The following ROCK2 variants were observed in gnomAD, a reference collection of about 807,000 sequenced individuals.
ROCK2 encodes Rho associated coiled-coil containing protein kinase 2, also known as rho-associated protein kinase 2.
ROCK2 carries 61 observed loss-of-function variants against 195.1 expected under a neutral mutation model. That is an observed-to-expected ratio of 0.31 (90% CI 0.25 to 0.39). The LOEUF is 0.39. Ranked by LOEUF, ROCK2 falls within the 10% of genes least tolerant of loss-of-function variation. The pLI is 1.00. For missense variants in ROCK2, 1,109 were observed against 1,637.4 expected (o/e 0.68, Z 5.57); for synonymous variants, 504 against 545.5 (o/e 0.92, Z 1.06).
chr2:11,328,877 T>G (rs1572414449), intron 1 of ROCK2, among the ~76,000 whole-genome samples: 1 of 129,594 alleles, frequency 7.7e-6, no homozygotes, highest in Admixed American at 8.6e-5. Context: ...TGAGAACACA[T>G]GGACACAGGA....
intron 1 of ROCK2, among the ~76,000 whole-genome samples, chr2:11,297,323 T>G (rs1667566875): frequency 1.3e-5 from 2 of 152,130 alleles, no homozygotes; most frequent in Non-Finnish European, 2.9e-5. Context: ...ATCATTTTAT[T>G]CTTTTCCTAA....
intron 4 of ROCK2, among the ~76,000 whole-genome samples, chr2:11,245,977 A>C: frequency 6.6e-6 from 1 of 152,324 alleles, no homozygotes; most frequent in Non-Finnish European, 1.5e-5. Context: ...CTTAACAAGT[A>C]AACAGAGAAA....
chr2:11,226,912 GAAAAAA>G (rs36080073), intron 6 of ROCK2, among the ~76,000 whole-genome samples: 2 of 100,804 alleles, frequency 2.0e-5, no homozygotes, highest in Non-Finnish European at 1.9e-5. Context: ...CCCTGCCTCA[GAAAAAA>G]AAAAAAAAAA....
chr2:11,291,321 G>A (rs1257341361), intron 1 of ROCK2, among the ~76,000 whole-genome samples: 1 of 152,130 alleles, frequency 6.6e-6, no homozygotes, highest in African/African-American at 2.4e-5. Flanking sequence ...AGGCCGAGGC[G>A]GGCGCATCGC....
At chr2:11,311,771 A>G in intron 1 of ROCK2, among the ~76,000 whole-genome samples, 1 of 150,054 alleles carries the variant, frequency 6.7e-6, no homozygotes, top group African/African-American at 2.5e-5. Flanking sequence ...GCGCGTGCAC[A>G]CACACACACA....
At position 11,192,627 on chromosome 2, in the gene ROCK2, T is replaced by A. The variant is rs1209477310; in HGVS notation, c.3773A>T (p.His1258Leu). The change falls in exon 31 of 33, where the codon CAC becomes CTC. Residue 1258 changes from histidine to leucine, a missense_variant. Around this residue, in one of 6 missense-constraint regions of ROCK2, gnomAD observed 221 missense variants for 355.1 expected, o/e 0.62. Transcript: ENST00000315872. This position sits in a 1 kb window ranked among gnomAD's most constrained non-coding sequence, Gnocchi z 5.0. ...PVGEKSNYICHKGHEFIPTLY... is the reference protein window; with the variant it reads ...PVGEKSNYICLKGHEFIPTLY... ...AGTAGGAATAAACTCATGTCCCTTG[T>A]GGCAAATATAATTAGATTTTTCTCC... 2 of 1,613,914 alleles carry A rather than the reference T, an allele frequency of 1.2e-6. No individual in the cohort carries two copies. Among genetic ancestry groups the A allele is most frequent in the African/African-American group, 2.7e-5 (2 of 74,944 alleles).
intron 3 of ROCK2, among the ~76,000 whole-genome samples, chr2:11,267,776 G>A (rs973351133): frequency 2.1e-5 from 3 of 145,900 alleles, no homozygotes; most frequent in African/African-American, 7.7e-5. Flanking sequence ...ATCTCGGCTC[G>A]CTGGGACTAC....
At chr2:11,245,654 A>G (rs1303400067) in intron 4 of ROCK2, among the ~76,000 whole-genome samples, 1 of 152,184 alleles carries the variant, frequency 6.6e-6, no homozygotes, top group Admixed American at 6.6e-5. Context: ...ATTACACATC[A>G]AGAGCAGCAA....
intron 23 of ROCK2, among the ~76,000 whole-genome samples, chr2:11,200,548 C>T (rs1640244648): frequency 6.6e-6 from 1 of 152,044 alleles, no homozygotes; most frequent in African/African-American, 2.4e-5. Context: ...GTTCTAATAC[C>T]AGACTTTTTA....
chr2:11,179,920 A>C lies in ROCK2; in HGVS notation c.*3517T>G, dbSNP rs912424344. On this transcript the variant is annotated 3_prime_UTR_variant, in exon 33 of 33. Transcript: ENST00000315872. ...GCTGATCAAATATTTATAATTTTCT[A>C]AACCATGCAGTTCATTACTTATTAC... 1 of 152,200 alleles carries C rather than the reference A, an allele frequency of 6.6e-6. No homozygotes were observed. Among genetic ancestry groups the C allele is most frequent in the African/African-American group, 2.4e-5 (1 of 41,436 alleles). 9.4% of individuals were successfully genotyped at this position (152,200 alleles called of 1,614,324 possible). A position where few individuals can be genotyped will look rare whatever the true frequency, so the allele number is the denominator to read the frequency against.
At chr2:11,262,341 TA>T (rs1666256676) in intron 3 of ROCK2, among the ~76,000 whole-genome samples, 1 of 152,256 alleles carries the variant, frequency 6.6e-6, no homozygotes, top group Non-Finnish European at 1.5e-5. Context: ...TTCTTATTTT[TA>T]TTTGTACTTT....
At chr2:11,188,823 AC>A (rs1423923775) in intron 32 of ROCK2, among the ~76,000 whole-genome samples, 2 of 151,658 alleles carry the variant, frequency 1.3e-5, no homozygotes, top group Non-Finnish European at 2.9e-5. Context: ...ATGGGGTTTC[AC>A]TGTGTTAGCC....
At chr2:11,322,260 A>G (rs1452453556) in intron 1 of ROCK2, among the ~76,000 whole-genome samples, 1 of 152,182 alleles carries the variant, frequency 6.6e-6, no homozygotes, top group East Asian at 1.9e-4. Context: ...CGAGGTGTTA[A>G]CATCATGTTG....
intron 2 of ROCK2, 115 bp downstream of exon 2, chr2:11,287,538 TAA>T (rs1317755122): frequency 1.9e-5 from 7 of 377,788 alleles, no homozygotes; most frequent in Admixed American, 4.6e-5. Context: ...GCAAAAGACT[TAA>T]GTTTAATAAA....
intron 1 of ROCK2, among the ~76,000 whole-genome samples, chr2:11,288,846 A>C (rs1322904290): frequency 6.6e-6 from 1 of 152,146 alleles, no homozygotes; most frequent in East Asian, 1.9e-4. Context: ...CTAAGGCAGG[A>C]GGATCACTTG....
rs1470546786 is a variant in ROCK2, at chr2:11,198,757, C to G, written c.2928G>C (p.Arg976Ser). 2 of 1,595,496 alleles carry G rather than the reference C, an allele frequency of 1.3e-6. No individual in the cohort carries two copies. ...GATTGGCAACATCACTAGTTAGTGT[C>G]CTATTAGTTTCCTCAAGCTAAGAAA... ...ATIASLEETN[R>S]TLTSDVANLA... The change falls in exon 24 of 33, where the codon AGG (arginine) becomes AGC (serine). Residue 976 changes from arginine (R) to serine (S), a missense_variant. Around this residue, in one of 6 missense-constraint regions of ROCK2, gnomAD observed 542 missense variants for 672.0 expected, o/e 0.81. Coordinates refer to ENST00000315872, the MANE Select transcript of ROCK2 (RefSeq NM_004850.5).
At chr2:11,203,176 T>C (rs1316258577) in intron 20 of ROCK2, among the ~76,000 whole-genome samples, 2 of 151,974 alleles carry the variant, frequency 1.3e-5, no homozygotes. Flanking sequence ...AGAAGCTGGG[T>C]TGAAATGGTA....
intron 4 of ROCK2, among the ~76,000 whole-genome samples, chr2:11,244,359 G>C (rs986366657): frequency 6.6e-5 from 10 of 152,120 alleles, no homozygotes; most frequent in African/African-American, 2.4e-4. Context: ...GATTGGCCAT[G>C]GTTGGTAATT....
chr2:11,213,452 A>G (rs1256426108), intron 17 of ROCK2, among the ~76,000 whole-genome samples: 2 of 152,052 alleles, frequency 1.3e-5, no homozygotes, highest in East Asian at 1.9e-4. Flanking sequence ...CTTCAGGCCA[A>G]TCTAACCTGA....
Sources: gnomAD v4.1 joint callset for allele counts (sites outside exome capture counted in the v4.1 genomes callset) on GRCh38, gnomAD v4.1.1 for gene constraint, gnomAD v4.1.1 regional missense constraint, Gnocchi (gnomAD v3.1) non-coding constraint, MANE v1.5 for transcripts, NCBI Gene and HGNC (gene_info 2026-07-23, HGNC 2026-07-21) for gene names.